SSH2: variants seen among roughly 807,000 people sequenced by gnomAD.
SSH2 encodes the protein protein phosphatase Slingshot homolog 2.
A neutral mutation model predicts 135.2 loss-of-function variants in SSH2; 37 were observed. That is an observed-to-expected ratio of 0.27 (90% CI 0.21 to 0.36). SSH2 has a LOEUF of 0.36. SSH2 is among the 10% of genes least tolerant of loss of function. SSH2 has a pLI of 1.00. For missense variants in SSH2, 1,408 were observed against 1,765.3 expected (o/e 0.80, Z 3.63); for synonymous variants, 628 against 646.2 (o/e 0.97, Z 0.43).
intron 12 of SSH2, among the ~76,000 whole-genome samples, chr17:29,651,248 A>G (rs2151001530): frequency 6.6e-6 from 1 of 152,368 alleles, no homozygotes; most frequent in East Asian, 1.9e-4. Flanking sequence ...AAGTGAAAAA[A>G]GAGAGAATGA....
At position 29,636,808 on chromosome 17, in the gene SSH2, G is replaced by A. The variant is rs757034745; in HGVS notation, c.1428-6C>T. 1.9e-6 allele frequency: 3 copies of A among 1,582,440 alleles called. No homozygotes were observed. In the Admixed American group the frequency reaches 5.1e-5, roughly 27 times the overall value. ...GTTTGTTATGCCGCTGTTTGCTGTG[G>A]AGGACATACACAGGAAGTATCTTAA... On this transcript the variant is annotated splice_polypyrimidine_tract_variant and splice_region_variant and intron_variant, in intron 14 of 15. Coordinates refer to ENST00000540801, the MANE Select transcript of SSH2 (RefSeq NM_001282129.2).
chr17:29,886,169 A>G (rs2066234780), intron 1 of SSH2, among the ~76,000 whole-genome samples: 1 of 152,028 alleles, frequency 6.6e-6, no homozygotes, highest in Non-Finnish European at 1.5e-5. Context: ...AGACAGGAAG[A>G]TATGGGAAAG....
At chr17:29,870,933 C>T (rs1270298791) in intron 1 of SSH2, among the ~76,000 whole-genome samples, 1 of 152,188 alleles carries the variant, frequency 6.6e-6, no homozygotes, top group Non-Finnish European at 1.5e-5. Flanking sequence ...AGAATGGAAT[C>T]TTTCATGAGT....
At chr17:29,818,631 A>T (rs2042600867) in intron 2 of SSH2, among the ~76,000 whole-genome samples, 1 of 152,188 alleles carries the variant, frequency 6.6e-6, no homozygotes, top group South Asian at 2.1e-4. Flanking sequence ...AAAATGGCAA[A>T]CAACAAAGAG....
chr17:29,674,329 A>G (rs1358546985), intron 8 of SSH2, among the ~76,000 whole-genome samples: 1 of 152,230 alleles, frequency 6.6e-6, no homozygotes, highest in Non-Finnish European at 1.5e-5. Context: ...GAATAATCTG[A>G]GAATTTCAGT....
chr17:29,800,665 TAAAC>T (rs1261941386), intron 2 of SSH2, among the ~76,000 whole-genome samples: 2 of 151,778 alleles, frequency 1.3e-5, no homozygotes, highest in African/African-American at 2.4e-5. Context: ...TTTAATTAAT[TAAAC>T]ATTTAATTAA....
chr17:29,878,557 T>C (rs2066078096), intron 1 of SSH2, among the ~76,000 whole-genome samples: 1 of 152,130 alleles, frequency 6.6e-6, no homozygotes, highest in Non-Finnish European at 1.5e-5. Context: ...AATAAATCAA[T>C]GGATGAGATT....
At chr17:29,666,102 T>C (rs745845160) in intron 11 of SSH2, among the ~76,000 whole-genome samples, 2 of 152,332 alleles carry the variant, frequency 1.3e-5, no homozygotes, top group East Asian at 1.9e-4. Context: ...CCAGGTGCGA[T>C]GGCTCATGCC....
chr17:29,773,019 GTCCATCCA>G (rs35452901), intron 3 of SSH2, among the ~76,000 whole-genome samples: 3,470 of 146,940 alleles, frequency 0.024, 101 homozygotes, highest in African/African-American at 0.072. Context: ...TTCCCCATCT[GTCCATCCA>G]TCCATCCATC....
rs2035628043 is a variant in SSH2 at position 29,630,730 on chromosome 17, A to G, written c.*111T>C. 2.4e-6 allele frequency: 3 copies of G among 1,261,050 alleles called. No homozygotes were observed. The East Asian group carries it at 7.1e-5, about 30-fold the overall frequency. The allele number at this position is 1,261,050 out of a possible 1,614,324, so 78.1% of individuals were successfully genotyped here. A position where few individuals can be genotyped will look rare whatever the true frequency, so the allele number is the denominator to read the frequency against. On this transcript the variant is annotated 3_prime_UTR_variant, in exon 16 of 16. Coordinates refer to ENST00000540801, the MANE Select transcript of SSH2 (RefSeq NM_001282129.2). Reference sequence around the variant, plus strand: ...AAACCCTGCATGCACCAGAAACAGTAAAATGACCAAAATATTATAAAATTA... The same window carrying G: ...AAACCCTGCATGCACCAGAAACAGTGAAATGACCAAAATATTATAAAATTA...
intron 1 of SSH2, among the ~76,000 whole-genome samples, chr17:29,853,709 G>A (rs1177115698): frequency 6.6e-6 from 1 of 151,668 alleles, no homozygotes; most frequent in Non-Finnish European, 1.5e-5. Context: ...TAATTTCTTT[G>A]AGCTCAGTTT....
At chr17:29,646,830 T>C (rs1250826709) in intron 14 of SSH2, among the ~76,000 whole-genome samples, 1 of 152,098 alleles carries the variant, frequency 6.6e-6, no homozygotes, top group Non-Finnish European at 1.5e-5. Flanking sequence ...GAATTGTTTC[T>C]AGGAAGTGCT....
At chr17:29,787,532 A>T (rs1156630047) in intron 3 of SSH2, 1 of 152,010 alleles carries the variant, frequency 6.6e-6, no homozygotes, top group Non-Finnish European at 1.5e-5. Context: ...ATCATATTCT[A>T]TTTTTAATTT....
At chr17:29,722,535 G>A (rs1296496914) in intron 3 of SSH2, among the ~76,000 whole-genome samples, 1 of 152,126 alleles carries the variant, frequency 6.6e-6, no homozygotes, top group Non-Finnish European at 1.5e-5. Context: ...GTGGCTAAAT[G>A]ACAAAGTATC....
intron 1 of SSH2, among the ~76,000 whole-genome samples, chr17:29,881,800 C>T (rs1020709525): frequency 1.3e-5 from 2 of 152,044 alleles, no homozygotes; most frequent in African/African-American, 4.8e-5. Flanking sequence ...ACACCCAGCC[C>T]ACCACTGCGC....
At chr17:29,926,006 G>A (rs966992973) in intron 1 of SSH2, among the ~76,000 whole-genome samples, 5 of 152,062 alleles carry the variant, frequency 3.3e-5, no homozygotes, top group African/African-American at 1.2e-4. Flanking sequence ...CTATTATCTA[G>A]GAAGAACAAT....
intron 1 of SSH2, among the ~76,000 whole-genome samples, chr17:29,916,697 G>A (rs1016346451): frequency 1.3e-5 from 2 of 151,932 alleles, no homozygotes; most frequent in African/African-American, 2.4e-5. Flanking sequence ...ACCCTCATAA[G>A]GTTTATGTTA....
At chr17:29,724,907 G>T (rs1374733408) in intron 3 of SSH2, among the ~76,000 whole-genome samples, 1 of 151,668 alleles carries the variant, frequency 6.6e-6, no homozygotes, top group Non-Finnish European at 1.5e-5. Flanking sequence ...TTTTCTGAAG[G>T]TGTTCTAGTT....
intron 1 of SSH2, among the ~76,000 whole-genome samples, chr17:29,911,789 G>A (rs1312963189): frequency 6.6e-6 from 1 of 152,334 alleles, no homozygotes; most frequent in East Asian, 1.9e-4. Context: ...CAGTAGTAGA[G>A]TAATGAAATG....
Sources: gnomAD v4.1 joint callset for allele counts (sites outside exome capture counted in the v4.1 genomes callset) on GRCh38, gnomAD v4.1.1 for gene constraint, MANE v1.5 for transcripts, NCBI Gene and HGNC (gene_info 2026-07-23, HGNC 2026-07-21) for gene names.